TMEM164: variants seen among roughly 807,000 people sequenced by gnomAD.
TMEM164 encodes the protein transmembrane protein 164, also known as RP13-360B22.2.
In TMEM164, 4 loss-of-function variants were observed where a neutral mutation model predicts 18.8. The ratio of observed to expected loss-of-function variants is 0.21; its 90% CI spans 0.10 to 0.49. TMEM164 has a LOEUF of 0.49. Ranked by LOEUF, TMEM164 falls within the 20% of genes least tolerant of loss-of-function variation. The pLI is 0.98. For synonymous variants in TMEM164, 86 were observed against 101.7 expected (o/e 0.85, Z 0.93); for missense variants, 108 against 239.9 (o/e 0.45, Z 3.63).
At chrX:110,130,332 C>G (rs372507748) in intron 4 of TMEM164, among the ~76,000 whole-genome samples, 2 of 111,687 alleles carry the variant, frequency 1.8e-5, no homozygotes, top group South Asian at 3.7e-4. Context: ...GTCAGACTGC[C>G]CATTTTCATC....
At chrX:110,020,215 C>T (rs761905828) in intron 2 of TMEM164, 104 of 185,411 alleles carry the variant, frequency 5.6e-4, no homozygotes, top group Non-Finnish European at 7.8e-4. Context: ...TTGTATCCCC[C>T]GCACAGCTTC....
At chrX:110,155,820 A>G (rs1428455027) in intron 5 of TMEM164, among the ~76,000 whole-genome samples, 1 of 112,406 alleles carries the variant, frequency 8.9e-6, no homozygotes, top group African/African-American at 3.2e-5. Flanking sequence ...ATTCAAGACC[A>G]TTCACAGTCT....
intron 3 of TMEM164, among the ~76,000 whole-genome samples, chrX:110,073,565 T>C (rs771037154): frequency 8.9e-6 from 1 of 112,286 alleles, no homozygotes; most frequent in Non-Finnish European, 1.9e-5. Flanking sequence ...GATGGGCATC[T>C]AGATTGATTC....
At chrX:110,145,521 C>T (rs1159080241) in intron 5 of TMEM164, among the ~76,000 whole-genome samples, 1 of 111,698 alleles carries the variant, frequency 9.0e-6, no homozygotes, top group Non-Finnish European at 1.9e-5. Context: ...GAAAGGGGTG[C>T]CTATCCATCT....
intron 3 of TMEM164, among the ~76,000 whole-genome samples, chrX:110,098,719 C>A (rs1400450038): frequency 9.0e-6 from 1 of 110,704 alleles, no homozygotes; most frequent in East Asian, 2.8e-4. Flanking sequence ...TGCTTATTTG[C>A]CGTGAAAACA....
intron 4 of TMEM164, among the ~76,000 whole-genome samples, chrX:110,136,513 C>T (rs2066693797): frequency 8.9e-6 from 1 of 111,846 alleles, no homozygotes; most frequent in African/African-American, 3.3e-5. Context: ...TTTTGAGAGG[C>T]TGTAGTCTAG....
At chrX:110,053,868 C>T (rs183798429) in intron 2 of TMEM164, among the ~76,000 whole-genome samples, 6 of 112,088 alleles carry the variant, frequency 5.4e-5, no homozygotes, top group East Asian at 2.8e-4. Context: ...CTAACTACAC[C>T]GTCTTCCCTT....
chrX:110,004,658 C>A (rs967742045), intron 2 of TMEM164, among the ~76,000 whole-genome samples: 1 of 112,369 alleles, frequency 8.9e-6, no homozygotes, highest in African/African-American at 3.2e-5. Flanking sequence ...CTCTTAATGA[C>A]TCTTTCATTT....
chrX:110,108,068 C>CTGTGTGTGTGTGTGTGTGTG lies in TMEM164; in HGVS notation c.441-973_441-954dup, dbSNP rs56714507. ...TCCCAGCCAGGGCATAGGAGGTATG[C>CTGTGTGTGTGTGTGTGTGTG]TGTGTGTGTGTGTGTGTGTGTGTGT... On this transcript the variant is annotated intron_variant, in intron 3 of 6. Transcript: ENST00000372068. Among the ~76,000 whole-genome samples the CTGTGTGTGTGTGTGTGTGTG allele has an allele frequency of 6.3e-4, 29 of 46,385 alleles. 2 individuals carry two copies. The highest frequency in any genetic ancestry group is 2.4e-3 in the African/African-American group (27 of 11,246). The allele number at this position is 46,385 out of a possible 115,157, so 40.3% of individuals were successfully genotyped here. A position where few individuals can be genotyped will look rare whatever the true frequency, so the allele number is the denominator to read the frequency against.
chrX:110,134,685 G>T (rs1485596776), intron 4 of TMEM164, among the ~76,000 whole-genome samples: 1 of 108,311 alleles, frequency 9.2e-6, no homozygotes, highest in East Asian at 2.9e-4. Flanking sequence ...AGGGCTGTGG[G>T]CATCTGTCCT....
intron 3 of TMEM164, among the ~76,000 whole-genome samples, chrX:110,092,120 T>G (rs1264398278): frequency 8.9e-6 from 1 of 112,070 alleles, no homozygotes; most frequent in Non-Finnish European, 1.9e-5. Context: ...AGCCTTGTAG[T>G]ATAGTTTGAA....
chrX:110,011,189 C>CA lies in TMEM164; in HGVS notation c.390+7035dup, dbSNP rs1325003821. On this transcript the variant is annotated intron_variant, in intron 2 of 6. Transcript: ENST00000372068. Reference sequence around the variant, plus strand: ...GTACTTTCAAAAACAAAACCAAAAACAAAAAAAAAAGAAGAAGTAGCCTTT... The same window carrying CA: ...GTACTTTCAAAAACAAAACCAAAAACAAAAAAAAAAAGAAGAAGTAGCCTTT... Among the ~76,000 whole-genome samples the CA allele has an allele frequency of 8.2e-3, 855 of 104,448 alleles. 6 individuals carry two copies. Among genetic ancestry groups the CA allele is most frequent in the African/African-American group, 0.028 (794 of 28,807 alleles). 90.7% of individuals were successfully genotyped at this position (104,448 alleles called of 115,157 possible).
At chrX:110,038,212 C>T (rs1326058424) in intron 2 of TMEM164, among the ~76,000 whole-genome samples, 1 of 110,587 alleles carries the variant, frequency 9.0e-6, no homozygotes, top group Non-Finnish European at 1.9e-5. Flanking sequence ...GGGATGGTCT[C>T]GATCTCCTGA....
intron 2 of TMEM164, among the ~76,000 whole-genome samples, chrX:110,064,690 C>T (rs1218515906): frequency 9.1e-6 from 1 of 110,200 alleles, no homozygotes; most frequent in Non-Finnish European, 1.9e-5. Context: ...TGAAAAAGGA[C>T]CCTAGAGGCC....
At chrX:110,015,065 TC>T (rs1933264733) in intron 2 of TMEM164, among the ~76,000 whole-genome samples, 2 of 112,114 alleles carry the variant, frequency 1.8e-5, no homozygotes, top group African/African-American at 6.5e-5. Context: ...AGACCAGCTC[TC>T]CTCCTTTTCA....
At chrX:110,133,533 T>A (rs191059770) in intron 4 of TMEM164, among the ~76,000 whole-genome samples, 1 of 111,923 alleles carries the variant, frequency 8.9e-6, no homozygotes, top group African/African-American at 3.2e-5. Context: ...ATTACCTTTT[T>A]TAAAGGCACT....
intron 5 of TMEM164, among the ~76,000 whole-genome samples, chrX:110,155,388 C>G (rs1298891331): frequency 1.8e-5 from 2 of 110,314 alleles, no homozygotes; most frequent in African/African-American, 6.6e-5. Context: ...CATTTCTGTA[C>G]CCCTTCTCTC....
rs758900532 is a variant in TMEM164 at position 110,105,679 on chromosome X, G to GACACACACACAC, written c.441-3371_441-3360dup. On this transcript the variant is annotated intron_variant, in intron 3 of 6. Transcript: ENST00000372068. ...TGATACATACACACATAGAAACACA[G>GACACACACACAC]ACACACACACACACACACACACACA... Among the ~76,000 whole-genome samples, 43 of 65,400 alleles carry GACACACACACAC rather than the reference G, an allele frequency of 6.6e-4. 1 individual carries two copies. The highest frequency in any genetic ancestry group is 1.7e-3 in the South Asian group (2 of 1,155). The allele number at this position is 65,400 out of a possible 115,157, so 56.8% of individuals were successfully genotyped here.
intron 2 of TMEM164, among the ~76,000 whole-genome samples, chrX:110,039,479 C>A (rs1934997034): frequency 8.9e-6 from 1 of 112,587 alleles, no homozygotes; most frequent in Admixed American, 9.4e-5. Flanking sequence ...GCAATTGCCA[C>A]CCTGTTGGAG....
Sources: gnomAD v4.1 joint callset for allele counts (sites outside exome capture counted in the v4.1 genomes callset) on GRCh38, gnomAD v4.1.1 for gene constraint, MANE v1.5 for transcripts, NCBI Gene and HGNC (gene_info 2026-07-23, HGNC 2026-07-21) for gene names.